CSMD3: variants seen among roughly 807,000 people sequenced by gnomAD.
CSMD3 encodes CUB and Sushi multiple domains 3.
In CSMD3, 177 loss-of-function variants were observed where a neutral mutation model predicts 435.2. The observed-to-expected ratio is 0.41, with a 90% CI of 0.36 to 0.46. CSMD3 has a LOEUF of 0.46. Ranked by LOEUF, CSMD3 falls within the 20% of genes least tolerant of loss-of-function variation. The probability of loss-of-function intolerance (pLI) is 0.34; values close to 1 mark genes in which losing one functional copy is unlikely to be tolerated. For synonymous variants in CSMD3, 1,656 were observed against 1,520.5 expected, an observed-to-expected ratio of 1.09 and a Z score of -2.07; for missense variants, 4,265 against 4,504.6, an observed-to-expected ratio of 0.95 and a Z score of 1.52.
intron 5 of CSMD3, among the ~76,000 whole-genome samples, chr8:113,094,074 A>T (rs1564307566): frequency 6.6e-6 from 1 of 152,152 alleles, no homozygotes. Flanking sequence ...TTACCAATTG[A>T]AATCATTATT....
At chr8:112,758,157 A>G (rs1195677978) in intron 13 of CSMD3, among the ~76,000 whole-genome samples, 2 of 152,144 alleles carry the variant, frequency 1.3e-5, no homozygotes, top group Non-Finnish European at 2.9e-5. Flanking sequence ...GTTCAAGACC[A>G]GCCTGGCCAA....
chr8:112,234,501 G>T, intron 67 of CSMD3, 24 bp from the exon 68 acceptor site: 1 of 1,286,022 alleles, frequency 7.8e-7, no homozygotes, highest in Non-Finnish European at 1.1e-6. Flanking sequence ...GGACATTTTA[G>T]TCTACTTAAC....
intron 6 of CSMD3, among the ~76,000 whole-genome samples, chr8:112,979,044 A>T: frequency 6.6e-6 from 1 of 151,980 alleles, no homozygotes; most frequent in East Asian, 1.9e-4. Context: ...AGCAGGGGGA[A>T]CATAAAATTT....
intron 5 of CSMD3, among the ~76,000 whole-genome samples, chr8:113,056,665 G>A (rs2088354040): frequency 6.6e-6 from 1 of 152,092 alleles, no homozygotes; most frequent in Non-Finnish European, 1.5e-5. Flanking sequence ...ATCCTCTTCT[G>A]CTTCCAAAAT....
At chr8:112,712,029 C>T (rs944030343) in intron 13 of CSMD3, among the ~76,000 whole-genome samples, 6 of 152,092 alleles carry the variant, frequency 3.9e-5, no homozygotes, top group Non-Finnish European at 8.8e-5. Flanking sequence ...TGCTTATGGC[C>T]TGATAGGAGA....
At position 113,237,399 on chromosome 8, in the gene CSMD3, T is replaced by C. The variant is rs376677223; in HGVS notation, c.514+41193A>G. ...GTCAATCTACATTGGTATAATGCTC[T>C]GAAATTGGTATTCCTCACTAGGAAA... On this transcript the variant is annotated intron_variant, in intron 3 of 70. Transcript: ENST00000297405. 3.9e-5 allele frequency among the ~76,000 whole-genome samples: 6 copies of C among 152,328 alleles called. No individual in the cohort carries two copies. The East Asian group carries it at 7.7e-4, about 20-fold the overall frequency.
chr8:113,265,970 A>G (rs2093467169), intron 3 of CSMD3, among the ~76,000 whole-genome samples: 1 of 151,528 alleles, frequency 6.6e-6, no homozygotes, highest in South Asian at 2.1e-4. Context: ...AAGAATGAAA[A>G]TCCATTAACT....
intron 13 of CSMD3, among the ~76,000 whole-genome samples, chr8:112,792,063 T>C (rs2078705559): frequency 6.6e-6 from 1 of 152,206 alleles, no homozygotes; most frequent in African/African-American, 2.4e-5. Context: ...ATTGGTTTGT[T>C]TGCTTTATTC....
chr8:112,536,403 CA>C (rs1478347863), intron 27 of CSMD3, among the ~76,000 whole-genome samples: 4 of 152,146 alleles, frequency 2.6e-5, no homozygotes, highest in Non-Finnish European at 4.4e-5. Flanking sequence ...CTTATGCAGC[CA>C]AAAACCACAT....
intron 4 of CSMD3, among the ~76,000 whole-genome samples, chr8:113,109,197 A>T (rs1029911428): frequency 1.3e-5 from 2 of 152,258 alleles, no homozygotes; most frequent in Middle Eastern, 3.2e-3. Context: ...AGGATAAAAC[A>T]TCTTTTCCAA....
chr8:112,696,984 C>T (rs534044981), intron 13 of CSMD3, among the ~76,000 whole-genome samples: 26 of 152,100 alleles, frequency 1.7e-4, no homozygotes, highest in Non-Finnish European at 2.6e-4. Flanking sequence ...AAATGCTCAT[C>T]ATCACTGGCC....
chr8:113,106,197 C>T (rs986256461), intron 4 of CSMD3, among the ~76,000 whole-genome samples: 1 of 151,414 alleles, frequency 6.6e-6, no homozygotes, highest in African/African-American at 2.4e-5. Flanking sequence ...CACAGCAAAG[C>T]CTAAAATATT....
At chr8:113,295,987 G>A (rs1271988444) in intron 2 of CSMD3, among the ~76,000 whole-genome samples, 2 of 152,048 alleles carry the variant, frequency 1.3e-5, no homozygotes, top group African/African-American at 2.4e-5. Flanking sequence ...ATAAGTTCAC[G>A]TCCTTTGTAG....
chr8:113,279,931 A>T (rs12675228), intron 2 of CSMD3, among the ~76,000 whole-genome samples: 101,747 of 151,480 alleles, frequency 0.67, 35,953 homozygotes, highest in East Asian at 0.95. Flanking sequence ...GATCACGTGA[A>T]TTTTGTTTTT....
At chr8:112,987,354 A>T (rs1391839710) in intron 6 of CSMD3, among the ~76,000 whole-genome samples, 1 of 152,114 alleles carries the variant, frequency 6.6e-6, no homozygotes, top group African/African-American at 2.4e-5. Flanking sequence ...TTCTGAAGAG[A>T]TGATTAAGAC....
intron 1 of CSMD3, among the ~76,000 whole-genome samples, chr8:113,404,874 A>T (rs2094525735): frequency 6.6e-6 from 1 of 151,506 alleles, no homozygotes; most frequent in South Asian, 2.1e-4. Flanking sequence ...AAACAAAGTG[A>T]CACTTGTTTC....
intron 22 of CSMD3, among the ~76,000 whole-genome samples, chr8:112,618,565 C>A (rs369646890): frequency 1.6e-4 from 24 of 152,132 alleles, no homozygotes; most frequent in African/African-American, 5.8e-4. Flanking sequence ...GCCCCCAAAT[C>A]ATTTGAGCTT....
chr8:113,003,916 G>A (rs1211722051), intron 6 of CSMD3, among the ~76,000 whole-genome samples: 3 of 151,376 alleles, frequency 2.0e-5, no homozygotes, highest in Non-Finnish European at 2.9e-5. Context: ...TGGCCTTACC[G>A]GATTAAAAAA....
At chr8:112,264,001 C>A (rs1816694387) in intron 60 of CSMD3, among the ~76,000 whole-genome samples, 189 bp from the exon 61 acceptor site, 1 of 152,084 alleles carries the variant, frequency 6.6e-6, no homozygotes, top group Non-Finnish European at 1.5e-5. Context: ...CAGGATGCAA[C>A]TTTTTCTTGG....
Sources: allele counts gnomAD v4.1 joint callset (sites outside exome capture counted in the v4.1 genomes callset), GRCh38; gene constraint gnomAD v4.1.1; transcripts MANE v1.5; gene names NCBI Gene and HGNC (gene_info 2026-07-23, HGNC 2026-07-21).